Variants in ANKFY1 observed in about 807,000 individuals in gnomAD.
ANKFY1 encodes the protein ankyrin repeat and FYVE domain-containing protein 1.
Under a neutral mutation model 128.3 loss-of-function variants are expected in ANKFY1, and 47 were observed. That is an observed-to-expected ratio of 0.37 (90% confidence interval 0.29 to 0.47). ANKFY1 has a LOEUF of 0.47. Ranked by LOEUF, ANKFY1 falls within the 20% of genes least tolerant of loss-of-function variation. ANKFY1 has a pLI of 1.00. For missense variants in ANKFY1, 1,222 were observed against 1,510.6 expected, an observed-to-expected ratio of 0.81 and a Z score of 3.17; for synonymous variants, 553 against 601.6, an observed-to-expected ratio of 0.92 and a Z score of 1.18.
At chr17:4,252,565 C>T (rs983369987) in intron 1 of ANKFY1, among the ~76,000 whole-genome samples, 1 of 147,344 alleles carries the variant, frequency 6.8e-6, no homozygotes, top group Admixed American at 6.8e-5. Flanking sequence ...AACAAACAAA[C>T]AAAAAAAAAA....
intron 1 of ANKFY1, among the ~76,000 whole-genome samples, chr17:4,258,953 A>G (rs1333221491): frequency 6.6e-6 from 1 of 152,194 alleles, no homozygotes; most frequent in Non-Finnish European, 1.5e-5. Context: ...ATTTTTTTCA[A>G]TTTTTACTTT....
intron 7 of ANKFY1, among the ~76,000 whole-genome samples, chr17:4,199,540 G>C (rs1449194839): frequency 6.6e-6 from 1 of 152,122 alleles, no homozygotes; most frequent in Non-Finnish European, 1.5e-5. Flanking sequence ...GACTATTTAT[G>C]CTCTGTAGGA....
rs537956758 is a variant in ANKFY1 at position 4,223,478 on chromosome 17, G to A, written c.323-6360C>T. 119 of 1,153,222 alleles carry A rather than the reference G, an allele frequency of 1.0e-4. No homozygotes were observed. The East Asian group carries it at 1.6e-3, about 15-fold the overall frequency. The allele number at this position is 1,153,222 out of a possible 1,614,324, so 71.4% of individuals were successfully genotyped here. On this transcript the variant is annotated intron_variant, in intron 3 of 24. Coordinates refer to ENST00000341657, the MANE Select transcript of ANKFY1 (RefSeq NM_001330063.2). ...TCAAGTTAAGATCACAGACAATGCC[G>A]TCTCATGGACTATCACTGTCTGGGG...
At chr17:4,219,200 G>A (rs890178012) in intron 3 of ANKFY1, among the ~76,000 whole-genome samples, 2 of 152,210 alleles carry the variant, frequency 1.3e-5, no homozygotes, top group Admixed American at 6.5e-5. Context: ...TGCTTGGGAT[G>A]AGAATCATAG....
chr17:4,172,808 TTC>T lies in ANKFY1; in HGVS notation c.3015-130_3015-129del. The T allele has an allele frequency of 5.3e-6, 7 of 1,316,324 alleles. 1 individual carries two copies. In the Middle Eastern group the frequency reaches 7.5e-4, roughly 142 times the overall value. 81.5% of individuals were successfully genotyped at this position (1,316,324 alleles called of 1,614,324 possible). A position where few individuals can be genotyped will look rare whatever the true frequency, so the allele number is the denominator to read the frequency against. ...GACACAAAACAAGTCACAAAAGTTT[TTC>T]TTTTTCTTATTTTGTATTTTACTGT... On this transcript the variant is annotated intron_variant, in intron 21 of 24. Transcript: ENST00000341657.
intron 18 of ANKFY1, 151 bp from the exon 19 acceptor site, chr17:4,177,453 C>T: frequency 4.6e-6 from 3 of 658,476 alleles, no homozygotes; most frequent in Non-Finnish European, 7.2e-6. Context: ...ACATGAAACG[C>T]CATCCCCCAA....
chr17:4,210,823 G>A (rs1026429327), intron 4 of ANKFY1, among the ~76,000 whole-genome samples: 4 of 150,580 alleles, frequency 2.7e-5, no homozygotes, highest in Non-Finnish European at 5.9e-5. Context: ...ACTGAGGTCA[G>A]GAGCTCGAGA....
intron 23 of ANKFY1, 104 bp downstream of exon 23, chr17:4,170,611 C>G: frequency 3.4e-6 from 5 of 1,479,012 alleles, no homozygotes; most frequent in Non-Finnish European, 4.6e-6. Context: ...CGAGCGGTTC[C>G]GATCCTAAGG....
chr17:4,219,080 T>G (rs1334097237), intron 3 of ANKFY1, among the ~76,000 whole-genome samples: 2 of 152,234 alleles, frequency 1.3e-5, no homozygotes, highest in African/African-American at 4.8e-5. Flanking sequence ...TTATAACTAA[T>G]TTTTCTTTTA....
At chr17:4,173,196 G>C (rs996132022) in intron 21 of ANKFY1, among the ~76,000 whole-genome samples, 158 bp downstream of exon 21, 19 of 152,190 alleles carry the variant, frequency 1.2e-4, no homozygotes, top group Admixed American at 1.2e-3. Context: ...CAAAAATACC[G>C]GTACCAAAAG....
At chr17:4,263,755 A>C (rs1968553647) in intron 1 of ANKFY1, 177 bp downstream of exon 1, 1 of 1,515,908 alleles carries the variant, frequency 6.6e-7, no homozygotes, top group East Asian at 2.4e-5. Context: ...TGTCATAGGA[A>C]CCGCGCTCCG....
In ANKFY1 at chr17:4,243,944, T is replaced by TC. The variant is rs1354150434; in HGVS notation, c.11-1497_11-1496insG. 3.3e-5 allele frequency among the ~76,000 whole-genome samples: 5 copies of TC among 151,890 alleles called. No individual in the cohort carries two copies. In the South Asian group the frequency reaches 1.0e-3, roughly 32 times the overall value. The stretch of plus-strand genomic sequence containing the variant: ...ACAAAGATAAACAATTTTTTTTTTT[T>TC]TTTTGAGACAGAGTCTCACTCTGTC... On this transcript the variant is annotated intron_variant, in intron 1 of 24. Coordinates refer to ENST00000341657, the MANE Select transcript of ANKFY1 (RefSeq NM_001330063.2).
At chr17:4,175,466 G>T (rs2059396329) in intron 19 of ANKFY1, among the ~76,000 whole-genome samples, 1 of 152,144 alleles carries the variant, frequency 6.6e-6, no homozygotes, top group Admixed American at 6.6e-5. Flanking sequence ...TTCTGACAAA[G>T]TTTAAAAAAC....
rs28513837 is a variant in ANKFY1, at chr17:4,179,611, T to C, written c.2397+110A>G. 7.6e-3 allele frequency: 10,731 copies of C among 1,413,166 alleles called. 648 individuals carry two copies. The African/African-American group carries it at 0.13, about 18-fold the overall frequency. The allele number at this position is 1,413,166 out of a possible 1,614,324, so 87.5% of individuals were successfully genotyped here. A position where few individuals can be genotyped will look rare whatever the true frequency, so the allele number is the denominator to read the frequency against. ...CGCTGCTAGGGAGGTCGTGTGTTCA[T>C]GAAGCAGCAGCGCCTGGAACTGGGG... On this transcript the variant is annotated intron_variant, in intron 17 of 24. Coordinates refer to ENST00000341657, the MANE Select transcript of ANKFY1 (RefSeq NM_001330063.2).
chr17:4,197,030 G>C (rs1355831594), intron 8 of ANKFY1, among the ~76,000 whole-genome samples: 3 of 152,164 alleles, frequency 2.0e-5, no homozygotes, highest in Admixed American at 1.3e-4. Flanking sequence ...GAGGTGAGAG[G>C]ATCACCTGTG....
intron 1 of ANKFY1, among the ~76,000 whole-genome samples, chr17:4,250,135 G>A (rs1021982038): frequency 1.3e-5 from 2 of 152,142 alleles, no homozygotes; most frequent in East Asian, 1.9e-4. Flanking sequence ...AGTGCTGCAA[G>A]GTGCAGACCT....
chr17:4,206,177 A>G, intron 7 of ANKFY1, 144 bp downstream of exon 7: 1 of 898,232 alleles, frequency 1.1e-6, no homozygotes, highest in South Asian at 1.8e-5. Context: ...CCTCTGACCC[A>G]ATGATCAAAT....
chr17:4,169,826 G>T lies in ANKFY1; in HGVS notation c.3287-538C>A, dbSNP rs1202491622. Among the ~76,000 whole-genome samples, 2 of 152,152 alleles carry T rather than the reference G, an allele frequency of 1.3e-5. No individual in the cohort carries two copies. Among genetic ancestry groups the T allele is most frequent in the African/African-American group, 4.8e-5 (2 of 41,418 alleles). On this transcript the variant is annotated intron_variant, in intron 23 of 24. Coordinates refer to ENST00000341657, the MANE Select transcript of ANKFY1 (RefSeq NM_001330063.2). The surrounding 1 kb of genome is among the most constrained non-coding windows in gnomAD (Gnocchi z 5.0). The stretch of plus-strand genomic sequence containing the variant: ...GAACTAAGTTTTCACATCTAGTTTG[G>T]GAGTTACTAATGCAGACAGGAATGA...
At chr17:4,251,436 T>C (rs1442408527) in intron 1 of ANKFY1, among the ~76,000 whole-genome samples, 3 of 151,748 alleles carry the variant, frequency 2.0e-5, no homozygotes, top group Non-Finnish European at 4.4e-5. Flanking sequence ...GGAAACCCCA[T>C]CTTCCTGTCT....
Sources: allele counts gnomAD v4.1 joint callset (sites outside exome capture counted in the v4.1 genomes callset), GRCh38; gene constraint gnomAD v4.1.1; non-coding constraint Gnocchi (gnomAD v3.1); transcripts MANE v1.5; gene names NCBI Gene and HGNC (gene_info 2026-07-23, HGNC 2026-07-21).